Variants in RIT2 observed in about 807,000 individuals in gnomAD.
RIT2 encodes the protein GTP-binding protein Rit2.
RIT2 carries 24 observed loss-of-function variants against 23.7 expected under a neutral mutation model. The observed-to-expected ratio is 1.01, with a 90% confidence interval of 0.73 to 1.43. RIT2 has a LOEUF of 1.43. RIT2 is among the 40% of genes most tolerant of loss of function. The pLI is 0.00. For missense variants in RIT2, 236 were observed against 266.9 expected (o/e 0.88, Z 0.81); for synonymous variants, 107 against 91.1 (o/e 1.17, Z -0.99).
intron 2 of RIT2, among the ~76,000 whole-genome samples, chr18:43,023,201 T>C (rs1280072493): frequency 6.6e-6 from 1 of 152,068 alleles, no homozygotes; most frequent in Non-Finnish European, 1.5e-5. Flanking sequence ...CTTCACATAG[T>C]AGATTGGATC....
At chr18:42,870,422 G>A (rs1907591759) in intron 4 of RIT2, among the ~76,000 whole-genome samples, 1 of 152,114 alleles carries the variant, frequency 6.6e-6, no homozygotes, top group East Asian at 1.9e-4. Flanking sequence ...TGTATTTTTA[G>A]TAGAGACAGG....
intron 2 of RIT2, among the ~76,000 whole-genome samples, chr18:42,980,585 C>A (rs1351913243): frequency 1.3e-5 from 2 of 152,132 alleles, no homozygotes; most frequent in East Asian, 3.9e-4. Context: ...AGTGGCCAAT[C>A]ACACACTTTC....
At chr18:42,805,444 G>T (rs1905656737) in intron 4 of RIT2, among the ~76,000 whole-genome samples, 2 of 152,096 alleles carry the variant, frequency 1.3e-5, no homozygotes, top group African/African-American at 4.8e-5. Flanking sequence ...AGTGATTATG[G>T]ATATTCTTTT....
chr18:42,882,845 T>C (rs1907928700), intron 4 of RIT2, among the ~76,000 whole-genome samples: 3 of 152,200 alleles, frequency 2.0e-5, no homozygotes, highest in African/African-American at 7.2e-5. Context: ...TTTGTAGTTC[T>C]AGTAAACTAT....
At chr18:42,785,292 T>C (rs909884500) in intron 4 of RIT2, among the ~76,000 whole-genome samples, 2 of 152,104 alleles carry the variant, frequency 1.3e-5, no homozygotes, top group Non-Finnish European at 2.9e-5. Context: ...TGATTACTTT[T>C]TTCATTCGCT....
chr18:42,960,692 C>T (rs1344810083), intron 3 of RIT2, among the ~76,000 whole-genome samples: 1 of 152,164 alleles, frequency 6.6e-6, no homozygotes, highest in African/African-American at 2.4e-5. Context: ...TTTATAAGCT[C>T]TAAAGATATT....
At chr18:43,007,493 G>A (rs1911253967) in intron 2 of RIT2, among the ~76,000 whole-genome samples, 2 of 151,634 alleles carry the variant, frequency 1.3e-5, no homozygotes, top group South Asian at 4.2e-4. Context: ...CAAACCAGAG[G>A]TTTTTGAGAA....
At chr18:42,978,691 T>G (rs1910528845) in intron 2 of RIT2, among the ~76,000 whole-genome samples, 1 of 152,132 alleles carries the variant, frequency 6.6e-6, no homozygotes, top group African/African-American at 2.4e-5. Flanking sequence ...ATCCACTACC[T>G]TAAAATTTAT....
At chr18:42,931,555 C>T (rs1451578060) in intron 3 of RIT2, among the ~76,000 whole-genome samples, 1 of 152,102 alleles carries the variant, frequency 6.6e-6, no homozygotes, top group Non-Finnish European at 1.5e-5. Context: ...AGTCTGTTTG[C>T]CTTCCTCTTT....
At chr18:42,793,744 C>T (rs921111809) in intron 4 of RIT2, among the ~76,000 whole-genome samples, 7 of 152,118 alleles carry the variant, frequency 4.6e-5, no homozygotes, top group Non-Finnish European at 1.5e-5. Flanking sequence ...AGTAAACATT[C>T]AAGTGAAAGC....
At chr18:42,846,868 T>C (rs1207819963) in intron 4 of RIT2, among the ~76,000 whole-genome samples, 1 of 152,110 alleles carries the variant, frequency 6.6e-6, no homozygotes, top group Non-Finnish European at 1.5e-5. Flanking sequence ...GTTAGGAAAA[T>C]GTCATGAATA....
intron 1 of RIT2, among the ~76,000 whole-genome samples, chr18:43,079,222 A>C (rs1016128015): frequency 6.6e-6 from 1 of 152,218 alleles, no homozygotes; most frequent in African/African-American, 2.4e-5. Flanking sequence ...AAGCTTGTAA[A>C]ACTTATTCAT....
chr18:43,067,314 A>T (rs977806155), intron 1 of RIT2, among the ~76,000 whole-genome samples: 4 of 152,132 alleles, frequency 2.6e-5, no homozygotes, highest in African/African-American at 9.7e-5. Context: ...ACTCTGTAAA[A>T]TATTTGAAGA....
At chr18:42,857,071 C>T (rs1598685818) in intron 4 of RIT2, among the ~76,000 whole-genome samples, 2 of 152,074 alleles carry the variant, frequency 1.3e-5, no homozygotes, top group African/African-American at 4.8e-5. Flanking sequence ...CCGCCCACCT[C>T]GGCCTTCCAA....
At chr18:42,907,951 C>T (rs1175338476) in intron 4 of RIT2, among the ~76,000 whole-genome samples, 1 of 150,082 alleles carries the variant, frequency 6.7e-6, no homozygotes, top group Non-Finnish European at 1.5e-5. Flanking sequence ...TGCACTCCAG[C>T]GTGGGTGACA....
At chr18:42,884,494 C>G (rs1907971613) in intron 4 of RIT2, among the ~76,000 whole-genome samples, 1 of 152,132 alleles carries the variant, frequency 6.6e-6, no homozygotes, top group African/African-American at 2.4e-5. Flanking sequence ...CATGGCTGTT[C>G]ATGTTATGTA....
rs540953737 is a variant in RIT2 at position 42,820,253 on chromosome 18, T to C, written c.427-76533A>G. ...CTGAAATACTCATTCATTTAATCAC[T>C]ACATTTAAAGCATCAGAAACTATTC... On this transcript the variant is annotated intron_variant, in intron 4 of 4. Coordinates refer to ENST00000326695, the MANE Select transcript of RIT2 (RefSeq NM_002930.4). 5.9e-5 allele frequency among the ~76,000 whole-genome samples: 9 copies of C among 152,130 alleles called. No individual in the cohort carries two copies. In the East Asian group the frequency reaches 1.7e-3, roughly 29 times the overall value.
chr18:42,974,653 A>ATCT (rs1488701130), intron 2 of RIT2, among the ~76,000 whole-genome samples: 5 of 152,162 alleles, frequency 3.3e-5, no homozygotes, highest in African/African-American at 1.2e-4. Flanking sequence ...AGACAACATG[A>ATCT]TCTTATATGT....
intron 1 of RIT2, among the ~76,000 whole-genome samples, chr18:43,065,209 C>G (rs897117827): frequency 7.2e-6 from 1 of 138,220 alleles, no homozygotes; most frequent in African/African-American, 2.7e-5. Context: ...TTCACTTTCA[C>G]TTTTTTGGGT....
Sources: gnomAD v4.1 joint callset for allele counts (sites outside exome capture counted in the v4.1 genomes callset) on GRCh38, gnomAD v4.1.1 for gene constraint, MANE v1.5 for transcripts, NCBI Gene and HGNC (gene_info 2026-07-23, HGNC 2026-07-21) for gene names.